FANCB: variants seen among roughly 807,000 people sequenced by gnomAD.
FANCB encodes the protein FA complementation group B.
FANCB carries 5 observed loss-of-function variants against 38.9 expected under a neutral mutation model. The ratio of observed to expected loss-of-function variants is 0.13; its 90% CI spans 0.07 to 0.27. The LOEUF is 0.27. Among genes scored for constraint, FANCB ranks in the 10% least tolerant of loss-of-function variants. The probability of loss-of-function intolerance (pLI) is 1.00; values close to 1 mark genes in which losing one functional copy is unlikely to be tolerated. For missense variants in FANCB, 573 were observed against 602.7 expected (o/e 0.95, Z 0.52); for synonymous variants, 236 against 215.4 (o/e 1.10, Z -0.84).
At chrX:14,697,016 G>T in the FANCB span, among the ~76,000 whole-genome samples, 11 of 110,134 alleles carry the variant, frequency 1.0e-4, no homozygotes, top group Admixed American at 9.7e-4. Context: ...AAATAGGCAA[G>T]AAATATTTCC....
At chrX:14,748,828 G>T in the FANCB span, among the ~76,000 whole-genome samples, 1 of 112,110 alleles carries the variant, frequency 8.9e-6, no homozygotes, top group East Asian at 2.8e-4. Context: ...TAAGTGACTT[G>T]CCCAGGACCA....
At chrX:14,781,796 T>TA in the FANCB span, among the ~76,000 whole-genome samples, 1 of 112,309 alleles carries the variant, frequency 8.9e-6, no homozygotes, top group Non-Finnish European at 1.9e-5. Flanking sequence ...TAATATTCTA[T>TA]TTCTGTGGGA....
chrX:14,836,702 AATG>A (rs778973522), intron 10 of FANCB, among the ~76,000 whole-genome samples: 47 of 111,952 alleles, frequency 4.2e-4, no homozygotes, highest in Non-Finnish European at 3.4e-4. Flanking sequence ...ATTCTCTCTG[AATG>A]ATGAGGTAAA....
At chrX:14,721,787 T>C in the FANCB span, among the ~76,000 whole-genome samples, 1 of 111,680 alleles carries the variant, frequency 9.0e-6, no homozygotes, top group East Asian at 2.8e-4. Flanking sequence ...TTCAGTTCTT[T>C]GTCCTCTCTC....
the FANCB span, among the ~76,000 whole-genome samples, chrX:14,748,921 C>T: frequency 8.9e-6 from 1 of 112,049 alleles, no homozygotes; most frequent in African/African-American, 3.2e-5. Context: ...GTATAGAAGA[C>T]AGGAAGATCA....
the FANCB span, among the ~76,000 whole-genome samples, chrX:14,800,625 TA>T: frequency 1.5e-4 from 17 of 111,964 alleles, no homozygotes; most frequent in South Asian, 6.0e-3. Context: ...CAAAAACACA[TA>T]TTGACTAGCT....
chrX:14,752,980 GACACAC>G, the FANCB span, among the ~76,000 whole-genome samples: 3,522 of 68,419 alleles, frequency 0.051, 171 homozygotes, highest in African/African-American at 0.14. Context: ...CTCTCTCTCT[GACACAC>G]ACACACACAC....
At chrX:14,768,928 T>C in the FANCB span, among the ~76,000 whole-genome samples, 4 of 112,127 alleles carry the variant, frequency 3.6e-5, no homozygotes, top group Admixed American at 3.8e-4. Context: ...ATGTGGTTTT[T>C]GGCATGAGTT....
chrX:14,841,399 T>C (rs1303934846), downstream of FANCB, among the ~76,000 whole-genome samples: 1 of 112,536 alleles, frequency 8.9e-6, no homozygotes, highest in Non-Finnish European at 1.9e-5. Context: ...TTGAAGTTTT[T>C]GTTTCTACTG....
intron 5 of FANCB, among the ~76,000 whole-genome samples, chrX:14,853,871 A>C (rs2092412321): frequency 8.9e-6 from 1 of 112,248 alleles, no homozygotes; most frequent in Non-Finnish European, 1.9e-5. Context: ...TGAAAATTTA[A>C]AGAGTCATGT....
chrX:14,760,420 A>G, the FANCB span, among the ~76,000 whole-genome samples: 1 of 111,855 alleles, frequency 8.9e-6, no homozygotes, highest in Middle Eastern at 4.2e-3. Flanking sequence ...AAGGATGATT[A>G]GGAGAGACAG....
the FANCB span, among the ~76,000 whole-genome samples, chrX:14,774,069 A>T: frequency 8.9e-6 from 1 of 112,361 alleles, no homozygotes; most frequent in African/African-American, 3.2e-5. Flanking sequence ...CTACTACTTA[A>T]ATGTCAAAAA....
the FANCB span, among the ~76,000 whole-genome samples, chrX:14,719,869 A>T: frequency 1.8e-5 from 2 of 112,296 alleles, no homozygotes; most frequent in Non-Finnish European, 3.8e-5. Flanking sequence ...ATTCAGTCTT[A>T]AAAAAATCAA....
intron 7 of FANCB, among the ~76,000 whole-genome samples, chrX:14,847,557 G>A (rs939684939): frequency 9.1e-6 from 1 of 110,140 alleles, no homozygotes; most frequent in East Asian, 2.8e-4. Context: ...AGAAAGTAAG[G>A]AAGCATCAGT....
chrX:14,828,723 G>T, the FANCB span, among the ~76,000 whole-genome samples: 1 of 111,193 alleles, frequency 9.0e-6, no homozygotes, highest in Non-Finnish European at 1.9e-5. Flanking sequence ...TATTTTTGTT[G>T]TTGTTGTTGT....
chrX:14,767,849 G>A, the FANCB span, among the ~76,000 whole-genome samples: 1 of 112,152 alleles, frequency 8.9e-6, no homozygotes, highest in African/African-American at 3.2e-5. Context: ...TCCATCTTGA[G>A]TTAATTTTTG....
the FANCB span, among the ~76,000 whole-genome samples, chrX:14,737,677 C>T: frequency 8.9e-6 from 1 of 112,178 alleles, no homozygotes; most frequent in Non-Finnish European, 1.9e-5. Flanking sequence ...TTCTCAATAA[C>T]TAAAAGATAA....
the FANCB span, among the ~76,000 whole-genome samples, chrX:14,701,722 CT>C: frequency 8.9e-6 from 1 of 112,698 alleles, no homozygotes; most frequent in African/African-American, 3.2e-5. Flanking sequence ...TTAACTCTAG[CT>C]TTTAATTTCA....
At chrX:14,832,485 T>C (rs374774165), downstream of FANCB, among the ~76,000 whole-genome samples, 3 of 111,588 alleles carry the variant, frequency 2.7e-5, no homozygotes, top group Admixed American at 9.6e-5. Flanking sequence ...GCATATCTTT[T>C]TGGGGGGACA....
Sources: allele counts gnomAD v4.1 joint callset (sites outside exome capture counted in the v4.1 genomes callset), GRCh38; gene constraint gnomAD v4.1.1; transcripts MANE v1.5; gene names NCBI Gene and HGNC (gene_info 2026-07-23, HGNC 2026-07-21).